GDA: variants seen among roughly 807,000 people sequenced by gnomAD.
The protein encoded by GDA is cytoplasmic PSD-95 interactor.
GDA carries 18 observed loss-of-function variants against 59.6 expected under a neutral mutation model. The ratio of observed to expected loss-of-function variants is 0.30; its 90% CI spans 0.21 to 0.45. The LOEUF is 0.45. Among genes scored for constraint, GDA ranks in the 20% least tolerant of loss-of-function variants. The pLI is 1.00. For missense variants in GDA, 427 were observed against 552.3 expected (o/e 0.77, Z 2.27); for synonymous variants, 201 against 201.1 (o/e 1.00, Z 0.00).
chr9:72,205,654 C>T (rs1255143971), intron 3 of GDA, among the ~76,000 whole-genome samples: 1 of 152,174 alleles, frequency 6.6e-6, no homozygotes, highest in Admixed American at 6.5e-5. Context: ...CACTTGGCAC[C>T]TGTGACTGGC....
At chr9:72,194,776 G>C (rs565737774) in intron 1 of GDA, among the ~76,000 whole-genome samples, 1 of 152,312 alleles carries the variant, frequency 6.6e-6, no homozygotes, top group Non-Finnish European at 1.5e-5. Flanking sequence ...ACTGTAGTCT[G>C]TGGCTAGGCT....
chr9:72,126,423 G>A (rs1825849584), intron 1 of GDA, among the ~76,000 whole-genome samples: 1 of 152,132 alleles, frequency 6.6e-6, no homozygotes, highest in East Asian at 1.9e-4. Context: ...ATGTTGAGTA[G>A]CAGCCATGAA....
intron 1 of GDA, among the ~76,000 whole-genome samples, chr9:72,132,240 T>C (rs935604974): frequency 2.6e-5 from 4 of 152,186 alleles, no homozygotes; most frequent in Non-Finnish European, 4.4e-5. Flanking sequence ...TGGGAGAATA[T>C]GCCTGAGAGT....
intron 2 of GDA, among the ~76,000 whole-genome samples, chr9:72,200,612 G>A (rs1833868130): frequency 6.6e-6 from 1 of 151,316 alleles, no homozygotes; most frequent in Non-Finnish European, 1.5e-5. Flanking sequence ...AATATTATTT[G>A]GTTAAACAAT....
At chr9:72,140,926 G>A (rs546641222) in intron 1 of GDA, among the ~76,000 whole-genome samples, 1 of 152,248 alleles carries the variant, frequency 6.6e-6, no homozygotes, top group African/African-American at 2.4e-5. Context: ...GGGAAGTCGA[G>A]GCAGGAGGAT....
chr9:72,192,314 A>G (rs1325392433), intron 1 of GDA, among the ~76,000 whole-genome samples: 2 of 132,774 alleles, frequency 1.5e-5, no homozygotes, highest in Non-Finnish European at 3.1e-5. Flanking sequence ...GCTCACTGCA[A>G]CTTCTGCCTC....
At chr9:72,188,006 C>T (rs1192101078) in intron 1 of GDA, among the ~76,000 whole-genome samples, 1 of 152,150 alleles carries the variant, frequency 6.6e-6, no homozygotes, top group Non-Finnish European at 1.5e-5. Context: ...CATATTTAAG[C>T]AGCAAAGCAT....
At position 72,248,570 on chromosome 9, in the gene GDA, G is replaced by A; in HGVS notation, c.*228G>A. 7.4e-7 allele frequency: 1 copy of A among 1,349,912 alleles called. No individual in the cohort carries two copies. Among genetic ancestry groups the A allele is most frequent in the Non-Finnish European group, 9.5e-7 (1 of 1,050,918 alleles). The allele number at this position is 1,349,912 out of a possible 1,614,324, so 83.6% of individuals were successfully genotyped here. ...TTTCATGAAAATATCTCCCTTTGGA[G>A]CTGCTCAGACTTACTTTAAGCTCAA... On this transcript the variant is annotated 3_prime_UTR_variant, in exon 14 of 14. Coordinates refer to ENST00000358399, the MANE Select transcript of GDA (RefSeq NM_004293.5).
chr9:72,194,660 C>T (rs1832939990), intron 1 of GDA, among the ~76,000 whole-genome samples: 1 of 152,108 alleles, frequency 6.6e-6, no homozygotes, highest in African/African-American at 2.4e-5. Flanking sequence ...CCGGCCCAGT[C>T]TATTGTCTCT....
intron 1 of GDA, among the ~76,000 whole-genome samples, chr9:72,177,224 A>T (rs1830653752): frequency 6.7e-6 from 1 of 148,244 alleles, no homozygotes; most frequent in Non-Finnish European, 1.5e-5. Flanking sequence ...TCAGCCTCCC[A>T]AGTAGCTGGG....
upstream of GDA, among the ~76,000 whole-genome samples, chr9:72,145,721 G>A (rs755287974): frequency 3.7e-4 from 57 of 152,172 alleles, no homozygotes; most frequent in Non-Finnish European, 6.9e-4. Context: ...AGAGAAAATT[G>A]AGATTGTAAG....
intron 10 of GDA, 142 bp from the exon 11 acceptor site, chr9:72,241,010 G>A (rs899582334): frequency 4.2e-5 from 21 of 500,808 alleles, no homozygotes; most frequent in South Asian, 1.6e-4. Flanking sequence ...CTTAGTCTAC[G>A]ACTATCTTGT....
intron 1 of GDA, among the ~76,000 whole-genome samples, chr9:72,139,643 G>A (rs867331995): frequency 3.3e-5 from 5 of 150,586 alleles, no homozygotes; most frequent in Admixed American, 1.3e-4. Context: ...GCAGTATAGG[G>A]AGACCCTCGC....
chr9:72,172,189 C>T (rs947926280), intron 1 of GDA, among the ~76,000 whole-genome samples: 1 of 150,780 alleles, frequency 6.6e-6, no homozygotes, highest in Non-Finnish European at 1.5e-5. Flanking sequence ...CAGTTTCTTA[C>T]GTATTTTTCT....
At chr9:72,252,561 T>G (rs1840773400), downstream of GDA, among the ~76,000 whole-genome samples, 1 of 152,238 alleles carries the variant, frequency 6.6e-6, no homozygotes, top group South Asian at 2.1e-4. Context: ...GCATGTGTAT[T>G]TAAAACAAAA....
upstream of GDA, chr9:72,149,260 CTTGATAACTCAAAGAGT>C (rs1465527952): frequency 2.5e-6 from 1 of 403,918 alleles, no homozygotes; most frequent in African/African-American, 2.2e-5. Flanking sequence ...TGTGGTTGAT[CTTGATAACTCAAAGAGT>C]TAACACAACC....
Position 72,251,040 on chromosome 9 carries a change from C to T in GDA, c.*2698C>T, listed in dbSNP as rs1032507128. ...CCCTAATTTATTCTCTTGGCTGGTT[C>T]TCTCATTGAATTATCAGACCCCAAG... On this transcript the variant is annotated 3_prime_UTR_variant, in exon 14 of 14. Transcript: ENST00000358399. 5.7e-6 allele frequency: 3 copies of T among 530,034 alleles called. No homozygotes were observed. The highest frequency in any genetic ancestry group is 1.9e-5 in the African/African-American group (1 of 52,044). The allele number at this position is 530,034 out of a possible 1,614,324, so 32.8% of individuals were successfully genotyped here.
upstream of GDA, among the ~76,000 whole-genome samples, chr9:72,146,232 G>A: frequency 6.6e-6 from 1 of 152,094 alleles, no homozygotes; most frequent in East Asian, 1.9e-4. Context: ...TGTGAGCAAA[G>A]CGGATTCATA....
intron 9 of GDA, chr9:72,228,301 C>T: frequency 2.6e-6 from 1 of 383,938 alleles, no homozygotes; most frequent in Non-Finnish European, 4.8e-6. Context: ...ATAGGGAATA[C>T]AACATAAAAA....
Sources: allele counts gnomAD v4.1 joint callset (sites outside exome capture counted in the v4.1 genomes callset), GRCh38; gene constraint gnomAD v4.1.1; transcripts MANE v1.5; gene names NCBI Gene and HGNC (gene_info 2026-07-23, HGNC 2026-07-21).